PLEKHA8: variants seen among roughly 807,000 people sequenced by gnomAD.
PLEKHA8 encodes the protein pleckstrin homology domain-containing family A member 8.
In PLEKHA8, 36 loss-of-function variants were observed where a neutral mutation model predicts 68.2. The observed-to-expected ratio is 0.53, with a 90% CI of 0.40 to 0.70. PLEKHA8 has a LOEUF of 0.70. Among genes scored for constraint, PLEKHA8 ranks in the 30% least tolerant of loss-of-function variants. The pLI, the probability that PLEKHA8 is intolerant of heterozygous loss-of-function variation, is 0.00. For synonymous variants in PLEKHA8, 211 were observed against 216.1 expected, an observed-to-expected ratio of 0.98 and a Z score of 0.20; for missense variants, 505 against 615.4, an observed-to-expected ratio of 0.82 and a Z score of 1.90.
chr7:30,057,878 A>G (rs1191841391), intron 9 of PLEKHA8, among the ~76,000 whole-genome samples: 1 of 152,244 alleles, frequency 6.6e-6, no homozygotes, highest in Non-Finnish European at 1.5e-5. Flanking sequence ...GTTTAACTTT[A>G]TAATAAACTG....
At chr7:30,121,633 A>G (rs915715368) in intron 13 of PLEKHA8, among the ~76,000 whole-genome samples, 1 of 152,146 alleles carries the variant, frequency 6.6e-6, no homozygotes, top group African/African-American at 2.4e-5. Context: ...TGTCTAAAAA[A>G]AAAACCCTAC....
At chr7:30,063,600 C>T (rs1793609994) in intron 12 of PLEKHA8, among the ~76,000 whole-genome samples, 1 of 152,168 alleles carries the variant, frequency 6.6e-6, no homozygotes, top group African/African-American at 2.4e-5. Flanking sequence ...CTACCTCCTT[C>T]TGTTAGTCCT....
intron 9 of PLEKHA8, among the ~76,000 whole-genome samples, chr7:30,058,851 G>C (rs1793208111): frequency 6.6e-6 from 1 of 152,188 alleles, no homozygotes; most frequent in Admixed American, 6.5e-5. Flanking sequence ...CGAAGGCTGG[G>C]CTCACTGGCT....
At chr7:30,078,445 T>G in intron 13 of PLEKHA8, 145 bp from the exon 14 acceptor site, 1 of 833,494 alleles carries the variant, frequency 1.2e-6, no homozygotes, top group Non-Finnish European at 1.9e-6. Flanking sequence ...AGCCACAAAT[T>G]AGAAGGGTAG....
In PLEKHA8 at chr7:30,035,077, A is replaced by C. The variant is rs544691704; in HGVS notation, c.40+6275A>C. Among the ~76,000 whole-genome samples, 51 of 152,112 alleles carry C rather than the reference A, an allele frequency of 3.4e-4. No individual in the cohort carries two copies. The South Asian group carries it at 0.01, about 31-fold the overall frequency. ...TTTTCACATAGATATTCAATACTCA[A>C]CTCTTTACGATGTAATCTATGGTTT... On this transcript the variant is annotated intron_variant, in intron 1 of 13. Transcript: ENST00000449726.
At chr7:30,037,828 A>C (rs1468610499) in intron 1 of PLEKHA8, among the ~76,000 whole-genome samples, 1 of 151,736 alleles carries the variant, frequency 6.6e-6, no homozygotes, top group Non-Finnish European at 1.5e-5. Context: ...TCAGGGGTAC[A>C]TGTGCAGGTT....
chr7:30,118,103 G>A, intron 13 of PLEKHA8: 1 of 1,302,148 alleles, frequency 7.7e-7, no homozygotes, highest in African/African-American at 1.5e-5. Context: ...CTCTCCAGGG[G>A]ATCAGCCTGG....
chr7:30,116,032 A>G (rs533549932), intron 13 of PLEKHA8: 7 of 149,770 alleles, frequency 4.7e-5, no homozygotes, highest in Admixed American at 6.6e-5. Flanking sequence ...ACGTATACAT[A>G]CATGTGCGCA....
intron 13 of PLEKHA8, among the ~76,000 whole-genome samples, chr7:30,098,123 G>A (rs970323403): frequency 5.9e-5 from 9 of 152,216 alleles, no homozygotes; most frequent in Admixed American, 4.6e-4. Context: ...TATCAGCAGC[G>A]GTGGCTGCAG....
chr7:30,030,589 G>A (rs1790585269), intron 1 of PLEKHA8, among the ~76,000 whole-genome samples: 1 of 152,220 alleles, frequency 6.6e-6, no homozygotes, highest in Admixed American at 6.5e-5. Context: ...TGGAGCCATT[G>A]CCAGAGACAG....
intron 8 of PLEKHA8, among the ~76,000 whole-genome samples, 158 bp from the exon 9 acceptor site, chr7:30,055,099 A>G (rs926057090): frequency 2.6e-5 from 4 of 152,322 alleles, no homozygotes; most frequent in Non-Finnish European, 2.9e-5. Context: ...TTGGAAATTT[A>G]TTTTATGAGA....
In PLEKHA8 at chr7:30,056,769, GTGTGTGTGTGTGTGTGTA is replaced by G. The variant is rs1173819218; in HGVS notation, c.1039+1429_1039+1446del. On this transcript the variant is annotated intron_variant, in intron 9 of 13. Transcript: ENST00000449726. ...TGTGTGTGTGTGTGTGTGTGTGTGT[GTGTGTGTGTGTGTGTGTA>G]TATATATATGTTATGTGTATATATA... is the stretch of plus-strand genomic sequence containing the variant. Among the ~76,000 whole-genome samples, 173 of 133,878 alleles carry G rather than the reference GTGTGTGTGTGTGTGTGTA, an allele frequency of 1.3e-3. 2 individuals carry two copies. The highest frequency in any genetic ancestry group is 4.4e-3 in the African/African-American group (157 of 35,480). The allele number at this position is 133,878 out of a possible 152,430, so 87.8% of individuals were successfully genotyped here. A position where few individuals can be genotyped will look rare whatever the true frequency, so the allele number is the denominator to read the frequency against.
Position 30,083,587 on chromosome 7 carries a change from G to A in PLEKHA8, c.*4800G>A. The A allele has an allele frequency of 3.0e-6, 3 of 985,356 alleles. No individual in the cohort carries two copies. In the South Asian group the frequency reaches 1.4e-4, roughly 46 times the overall value. The allele number at this position is 985,356 out of a possible 1,614,324, so 61.0% of individuals were successfully genotyped here. ...TTAACAGTGCCTCTCTGGTACAGTTGATGCATGCATTGATCTTTCTTCTCT... is the reference window on the plus strand; with the variant it reads ...TTAACAGTGCCTCTCTGGTACAGTTAATGCATGCATTGATCTTTCTTCTCT... On this transcript the variant is annotated 3_prime_UTR_variant, in exon 14 of 14. Coordinates refer to ENST00000449726, the MANE Select transcript of PLEKHA8 (RefSeq NM_001197026.2).
chr7:30,103,026 C>T (rs187662134), intron 13 of PLEKHA8, among the ~76,000 whole-genome samples: 26 of 152,174 alleles, frequency 1.7e-4, no homozygotes, highest in African/African-American at 6.0e-4. Context: ...ATTTGATTGG[C>T]CCTCTGCACT....
intron 13 of PLEKHA8, among the ~76,000 whole-genome samples, chr7:30,122,965 A>C (rs916592043): frequency 1.3e-5 from 2 of 151,812 alleles, no homozygotes; most frequent in African/African-American, 4.8e-5. Flanking sequence ...CATGAAACCC[A>C]CTCCTGTCCT....
At chr7:30,128,091 A>ATTTTTTTTTTTTTTTTTTT (rs35173428) in intron 13 of PLEKHA8, among the ~76,000 whole-genome samples, 1 of 122,720 alleles carries the variant, frequency 8.1e-6, no homozygotes, top group Non-Finnish European at 1.7e-5. Context: ...GTTTTACTGT[A>ATTTTTTTTTTTTTTTTTTT]TTTTTTTTTT....
intron 13 of PLEKHA8, among the ~76,000 whole-genome samples, chr7:30,115,507 T>C (rs1007752816): frequency 2.0e-5 from 3 of 147,224 alleles, no homozygotes; most frequent in African/African-American, 4.9e-5. Flanking sequence ...TGTATACATA[T>C]GTACACATAC....
rs1795011456 is a variant in PLEKHA8 at position 30,082,873 on chromosome 7, G to C, written c.*4086G>C. 7.1e-6 allele frequency: 7 copies of C among 985,268 alleles called. No homozygotes were observed. Among genetic ancestry groups the C allele is most frequent in the Non-Finnish European group, 8.4e-6 (7 of 829,900 alleles). The allele number at this position is 985,268 out of a possible 1,614,324, so 61.0% of individuals were successfully genotyped here. On this transcript the variant is annotated 3_prime_UTR_variant, in exon 14 of 14. Coordinates refer to ENST00000449726, the MANE Select transcript of PLEKHA8 (RefSeq NM_001197026.2). ...ATGCGAGGCATTTGGGGAGCTTCCT[G>C]GAGGAAAATTAAGTTTTTTTCCTAG...
chr7:30,056,744 T>TAA (rs1792990655), intron 9 of PLEKHA8, among the ~76,000 whole-genome samples: 1 of 20,334 alleles, frequency 4.9e-5, no homozygotes, highest in Non-Finnish European at 1.1e-4. Context: ...AAAAAAAAAG[T>TAA]GTGTGTGTGT....
Sources: gnomAD v4.1 joint callset for allele counts (sites outside exome capture counted in the v4.1 genomes callset) on GRCh38, gnomAD v4.1.1 for gene constraint, MANE v1.5 for transcripts, NCBI Gene and HGNC (gene_info 2026-07-23, HGNC 2026-07-21) for gene names.